Variants in PRKCQ observed in about 807,000 individuals in gnomAD.
PRKCQ encodes the protein protein kinase C theta.
In PRKCQ, 41 loss-of-function variants were observed where a neutral mutation model predicts 91.2. The observed-to-expected ratio is 0.45, with a 90% CI of 0.35 to 0.58. The LOEUF (loss-of-function observed/expected upper bound fraction) is 0.58, where lower values mean the gene tolerates loss of function less well. PRKCQ is among the 20% of genes least tolerant of loss of function. PRKCQ has a pLI of 0.00. For synonymous variants in PRKCQ, 307 were observed against 316.9 expected (o/e 0.97, Z 0.33); for missense variants, 673 against 896.5 (o/e 0.75, Z 3.18).
chr10:6,489,413 C>T (rs776337639), intron 8 of PRKCQ: 1 of 531,490 alleles, frequency 1.9e-6, no homozygotes, highest in Admixed American at 1.9e-5. Context: ...GGCCGTAACT[C>T]AGTTTCTTGG....
chr10:6,518,378 TG>T (rs1838857708), intron 1 of PRKCQ, among the ~76,000 whole-genome samples: 1 of 152,174 alleles, frequency 6.6e-6, no homozygotes, highest in African/African-American at 2.4e-5. Context: ...TTTGGTTCTG[TG>T]GTATTTAAGC....
intron 1 of PRKCQ, among the ~76,000 whole-genome samples, chr10:6,549,695 A>T (rs1406013681): frequency 1.4e-5 from 2 of 141,782 alleles, no homozygotes; most frequent in Non-Finnish European, 3.0e-5. Context: ...CAATGGCATG[A>T]TCTTGGCTCA....
chr10:6,461,206 ACCATCCACAC>A, intron 14 of PRKCQ, among the ~76,000 whole-genome samples: 1 of 148,634 alleles, frequency 6.7e-6, no homozygotes, highest in Admixed American at 6.7e-5. Context: ...CATCCATTCA[ACCATCCACAC>A]CCATCCATCC....
In PRKCQ at chr10:6,576,012, C is replaced by A. The variant is rs569965537; in HGVS notation, c.-10+4199G>T. 6.6e-5 allele frequency among the ~76,000 whole-genome samples: 10 copies of A among 152,210 alleles called. No homozygotes were observed. The highest frequency in any genetic ancestry group is 2.6e-4 in the Admixed American group (4 of 15,300). ...CTGAGATCATGCCACTGCACTCCAG[C>A]CTGGCGACACAGCGAGACTCCATCT... On this transcript the variant is annotated intron_variant, in intron 1 of 17. Transcript: ENST00000263125. This position sits in a 1 kb window ranked among gnomAD's most constrained non-coding sequence, Gnocchi z 4.2.
intron 14 of PRKCQ, among the ~76,000 whole-genome samples, chr10:6,460,278 C>T (rs1484913740): frequency 6.6e-6 from 1 of 151,406 alleles, no homozygotes; most frequent in East Asian, 1.9e-4. Context: ...GATAGTAAAG[C>T]TACTTATGGA....
chr10:6,507,393 A>G, intron 4 of PRKCQ, 43 bp downstream of exon 4: 1 of 1,542,778 alleles, frequency 6.5e-7, no homozygotes, highest in Non-Finnish European at 9.0e-7. Context: ...GGAGAAGGCC[A>G]TGCCCTCCTC....
chr10:6,519,668 T>C (rs1838918251), intron 1 of PRKCQ, among the ~76,000 whole-genome samples: 2 of 152,158 alleles, frequency 1.3e-5, no homozygotes, highest in Admixed American at 1.3e-4. Context: ...TAAATGTCAT[T>C]GTGTCCTATC....
intron 1 of PRKCQ, among the ~76,000 whole-genome samples, chr10:6,545,793 A>C (rs973822956): frequency 6.6e-6 from 1 of 152,100 alleles, no homozygotes; most frequent in East Asian, 1.9e-4. Flanking sequence ...CAGGCAGATC[A>C]CAAGGTGAGG....
intron 7 of PRKCQ, among the ~76,000 whole-genome samples, chr10:6,494,806 A>G (rs886560394): frequency 1.3e-5 from 2 of 152,162 alleles, no homozygotes; most frequent in Admixed American, 6.5e-5. Flanking sequence ...GGTCACTGTC[A>G]AATTTATAGG....
At chr10:6,492,234 G>T in intron 7 of PRKCQ, among the ~76,000 whole-genome samples, 1 of 55,494 alleles carries the variant, frequency 1.8e-5, no homozygotes, top group African/African-American at 9.6e-5. Context: ...ACCTTTGGAA[G>T]ATGTAAAAAA....
At chr10:6,414,567 T>C in the PRKCQ span, among the ~76,000 whole-genome samples, 16 of 151,392 alleles carry the variant, frequency 1.1e-4, no homozygotes, top group Admixed American at 7.2e-4. Flanking sequence ...TTCCATACAT[T>C]CAAAAAGCTA....
intron 1 of PRKCQ, among the ~76,000 whole-genome samples, chr10:6,535,708 C>T (rs1839556176): frequency 6.6e-6 from 1 of 152,132 alleles, no homozygotes; most frequent in Non-Finnish European, 1.5e-5. Context: ...GTGTCCACCT[C>T]CCCTCTTGGT....
At chr10:6,421,743 A>G in the PRKCQ span, among the ~76,000 whole-genome samples, 1 of 152,254 alleles carries the variant, frequency 6.6e-6, no homozygotes, top group Non-Finnish European at 1.5e-5. This position sits in a 1 kb window ranked among gnomAD's most constrained non-coding sequence, Gnocchi z 4.1. Context: ...TGAAGGTTGA[A>G]TGACATCAAG....
In PRKCQ at chr10:6,487,261, T is replaced by C. The variant is rs1836980089; in HGVS notation, c.791-1117A>G. On this transcript the variant is annotated intron_variant, in intron 8 of 17. Coordinates refer to ENST00000263125, the MANE Select transcript of PRKCQ (RefSeq NM_006257.5). ...TGCACGCATGAACTGATGGCGTAAA[T>C]TGACATCTACAACCTGTTATGAAAG... Among the ~76,000 whole-genome samples, 3 of 152,316 alleles carry C rather than the reference T, an allele frequency of 2.0e-5. No individual in the cohort carries two copies. In the South Asian group the frequency reaches 6.2e-4, roughly 32 times the overall value.
the PRKCQ span, among the ~76,000 whole-genome samples, chr10:6,421,483 CAAAG>C: frequency 6.6e-6 from 1 of 152,132 alleles, no homozygotes; most frequent in Admixed American, 6.5e-5. The surrounding 1 kb of genome is among the most constrained non-coding windows in gnomAD (Gnocchi z 4.1). Context: ...AGGCCTGTCT[CAAAG>C]AAAGAAAAAT....
rs917377382 is a variant in PRKCQ at position 6,465,214 on chromosome 10, G to T, written c.1354-810C>A. Among the ~76,000 whole-genome samples, 1 of 152,146 alleles carries T rather than the reference G, an allele frequency of 6.6e-6. No individual in the cohort carries two copies. The highest frequency in any genetic ancestry group is 1.5e-5 in the Non-Finnish European group (1 of 68,030). ...GGCGTGGCGTGGGGGGAGTGGGCGG[G>T]TCATGTCAGTCATTCCTCCCTGAAG... On this transcript the variant is annotated intron_variant, in intron 12 of 17. Transcript: ENST00000263125. This position sits in a 1 kb window ranked among gnomAD's most constrained non-coding sequence, Gnocchi z 4.4.
At chr10:6,482,165 T>C (rs118041303) in intron 11 of PRKCQ, among the ~76,000 whole-genome samples, 1 of 152,258 alleles carries the variant, frequency 6.6e-6, no homozygotes, top group East Asian at 1.9e-4. Context: ...ATGGGCTGAA[T>C]TGTGTCTATA....
chr10:6,565,200 A>C (rs938615895), intron 1 of PRKCQ, among the ~76,000 whole-genome samples: 1 of 152,248 alleles, frequency 6.6e-6, no homozygotes, highest in African/African-American at 2.4e-5. Flanking sequence ...ATAGCACAGT[A>C]CTTGAATAAA....
chr10:6,526,498 G>C (rs1404052579), intron 1 of PRKCQ, among the ~76,000 whole-genome samples: 4 of 152,176 alleles, frequency 2.6e-5, no homozygotes, highest in Non-Finnish European at 5.9e-5. Context: ...TGGGGCGGCA[G>C]GGAGGGCTTT....
Sources: gnomAD v4.1 joint callset for allele counts (sites outside exome capture counted in the v4.1 genomes callset) on GRCh38, gnomAD v4.1.1 for gene constraint, Gnocchi (gnomAD v3.1) non-coding constraint, MANE v1.5 for transcripts, NCBI Gene and HGNC (gene_info 2026-07-23, HGNC 2026-07-21) for gene names.